The following RMND5A variants were observed in gnomAD, a reference collection of about 807,000 sequenced individuals.
RMND5A encodes required for meiotic nuclear division 5 homolog A, also known as E3 ubiquitin-protein transferase RMND5A.
In RMND5A, 17 loss-of-function variants were observed where a neutral mutation model predicts 49.7. The ratio of observed to expected loss-of-function variants is 0.34; its 90% CI spans 0.23 to 0.51. RMND5A has a LOEUF of 0.51. Among genes scored for constraint, RMND5A ranks in the 20% least tolerant of loss-of-function variants. The pLI, the probability that RMND5A is intolerant of heterozygous loss-of-function variation, is 0.96. For synonymous variants in RMND5A, 156 were observed against 167.7 expected (o/e 0.93, Z 0.54); for missense variants, 255 against 471.3 (o/e 0.54, Z 4.25).
chr2:86,751,681 C>A (rs1157100870), intron 2 of RMND5A, among the ~76,000 whole-genome samples: 2 of 152,122 alleles, frequency 1.3e-5, no homozygotes, highest in East Asian at 3.8e-4. Flanking sequence ...ATTAAATCTA[C>A]TTTAAAAAAA....
intron 6 of RMND5A, 113 bp from the exon 7 acceptor site, chr2:86,769,910 C>T: frequency 1.4e-6 from 1 of 715,134 alleles, no homozygotes; most frequent in South Asian, 1.7e-5. Flanking sequence ...AGCTCTCACC[C>T]TGTCCAGTGG....
intron 4 of RMND5A, among the ~76,000 whole-genome samples, chr2:86,756,854 T>C (rs1681748213): frequency 2.0e-5 from 3 of 151,898 alleles, no homozygotes; most frequent in African/African-American, 7.3e-5. Flanking sequence ...GCCTATGCGG[T>C]GAGAAGGCAG....
Position 86,774,488 on chromosome 2 carries a change from A to G in RMND5A, c.*1077A>G, listed in dbSNP as rs936327072. 6.5e-6 allele frequency: 1 copy of G among 152,680 alleles called. No individual in the cohort carries two copies. Among genetic ancestry groups the G allele is most frequent in the African/African-American group, 2.4e-5 (1 of 41,470 alleles). The allele number at this position is 152,680 out of a possible 1,614,324, so 9.5% of individuals were successfully genotyped here. On this transcript the variant is annotated 3_prime_UTR_variant, in exon 9 of 9. Coordinates refer to ENST00000283632, the MANE Select transcript of RMND5A (RefSeq NM_022780.4). ...ATGCCTCTCTTCTGCAAAGCGTATC[A>G]TCTCATTGACTGTGAATCTGTATAT... is the stretch of plus-strand genomic sequence containing the variant.
chr2:86,751,113 G>A (rs1681626821), intron 2 of RMND5A, among the ~76,000 whole-genome samples: 2 of 152,088 alleles, frequency 1.3e-5, no homozygotes, highest in Admixed American at 6.5e-5. Flanking sequence ...ATGTATTATA[G>A]TACTCTGGGT....
chr2:86,721,659 T>C (rs966450573), intron 1 of RMND5A, among the ~76,000 whole-genome samples: 2 of 151,908 alleles, frequency 1.3e-5, no homozygotes, highest in African/African-American at 4.9e-5. Context: ...TTTAAAGGTT[T>C]GGTTTTCTTA....
rs376719097 is a variant in RMND5A at position 86,753,496 on chromosome 2, A to G, written c.459A>G (p.Pro153=). The part of the protein sequence containing the change: ...GLSVDPSQKE[P]FVELNRILEA... ...CTGTAGACCCAAGTCAGAAGGAACC[A>G]TTTGTGGAGTTAAATAGAATATTAG... Residue 153 remains proline, a synonymous_variant, in exon 4 of 9, where the codon CCA becomes CCG. Transcript: ENST00000283632. The G allele has an allele frequency of 2.1e-5, 34 of 1,612,020 alleles. No homozygotes were observed. Among genetic ancestry groups the G allele is most frequent in the Non-Finnish European group, 2.8e-5 (33 of 1,178,524 alleles).
chr2:86,725,643 G>A lies in RMND5A; in HGVS notation c.142+4834G>A, dbSNP rs1227296078. 8.2e-4 allele frequency among the ~76,000 whole-genome samples: 64 copies of A among 78,160 alleles called. 25 individuals carry two copies. The highest frequency in any genetic ancestry group is 2.9e-3 in the African/African-American group (58 of 20,058). 51.3% of individuals were successfully genotyped at this position (78,160 alleles called of 152,430 possible). ...TGACCTCAAGCAGTCCACGCGCCTC[G>A]GCCTTCCAAACTGCAGGGATTACAG... is the stretch of plus-strand genomic sequence containing the variant. On this transcript the variant is annotated intron_variant, in intron 1 of 8. Coordinates refer to ENST00000283632, the MANE Select transcript of RMND5A (RefSeq NM_022780.4).
intron 6 of RMND5A, among the ~76,000 whole-genome samples, chr2:86,767,655 A>G (rs1672624199): frequency 6.6e-6 from 1 of 152,224 alleles, no homozygotes; most frequent in Non-Finnish European, 1.5e-5. Context: ...AAAAGCATGC[A>G]TGAGTAAAAG....
Position 86,720,499 on chromosome 2 carries a change from T to G in RMND5A, c.-169T>G, listed in dbSNP as rs868253908. 1,494 of 312,216 alleles carry G rather than the reference T, an allele frequency of 4.8e-3. 8 individuals carry two copies. Among genetic ancestry groups the G allele is most frequent in the Non-Finnish European group, 6.8e-3 (1,296 of 190,202 alleles). The allele number at this position is 312,216 out of a possible 1,614,324, so 19.3% of individuals were successfully genotyped here. Reference sequence around the variant, plus strand: ...CGCCATGGGGCAGGCGGGCTCCGGCTGCGCGGGGCTCCCCCGGCGCCGCGG... The same window carrying G: ...CGCCATGGGGCAGGCGGGCTCCGGCGGCGCGGGGCTCCCCCGGCGCCGCGG... On this transcript the variant is annotated 5_prime_UTR_variant, in exon 1 of 9. Transcript: ENST00000283632.
intron 4 of RMND5A, among the ~76,000 whole-genome samples, chr2:86,757,375 C>A (rs1177924840): frequency 1.3e-5 from 2 of 152,066 alleles, no homozygotes; most frequent in Admixed American, 1.3e-4. Context: ...ATCCAGATTT[C>A]TTTTATGCTC....
intron 8 of RMND5A, among the ~76,000 whole-genome samples, chr2:86,772,320 T>A (rs1573448306): frequency 1.3e-5 from 2 of 152,162 alleles, no homozygotes; most frequent in African/African-American, 4.8e-5. Flanking sequence ...CCGGGTGTGG[T>A]GGCGGACACC....
At chr2:86,763,110 C>T (rs1284317496) in intron 4 of RMND5A, among the ~76,000 whole-genome samples, 1 of 152,068 alleles carries the variant, frequency 6.6e-6, no homozygotes, top group Non-Finnish European at 1.5e-5. Context: ...TGAACATATT[C>T]CTATGAAAAT....
intron 2 of RMND5A, among the ~76,000 whole-genome samples, chr2:86,745,972 T>A (rs556454005): frequency 3.7e-4 from 56 of 152,312 alleles, no homozygotes; most frequent in East Asian, 2.1e-3. Context: ...TTAAAAAAAA[T>A]TTTAAACCTC....
At chr2:86,738,373 GTC>G (rs1162964426) in intron 1 of RMND5A, among the ~76,000 whole-genome samples, 1 of 5,638 alleles carries the variant, frequency 1.8e-4, no homozygotes, top group Non-Finnish European at 3.1e-4. Context: ...ATGAAGCCCT[GTC>G]TCTGCAAAAA....
intron 2 of RMND5A, among the ~76,000 whole-genome samples, chr2:86,746,128 A>G (rs1305054719): frequency 6.6e-6 from 1 of 152,214 alleles, no homozygotes; most frequent in Non-Finnish European, 1.5e-5. Context: ...GCAGTCCAGA[A>G]CTGCCTTTTA....
intron 1 of RMND5A, among the ~76,000 whole-genome samples, chr2:86,728,580 A>T (rs1354899766): frequency 1.1e-5 from 1 of 87,272 alleles, no homozygotes; most frequent in Non-Finnish European, 2.4e-5. Flanking sequence ...CTGGGATTAC[A>T]GGCATGAGCC....
chr2:86,758,337 T>G (rs1438367965), intron 4 of RMND5A, among the ~76,000 whole-genome samples: 2 of 152,338 alleles, frequency 1.3e-5, no homozygotes, highest in East Asian at 3.9e-4. Flanking sequence ...TTTTGAAGTA[T>G]TTGCCTATAT....
chr2:86,753,341 A>G (rs1255505564), intron 3 of RMND5A, 117 bp from the exon 4 acceptor site: 2 of 640,448 alleles, frequency 3.1e-6, no homozygotes, highest in African/African-American at 1.8e-5. Flanking sequence ...AGTCTCTACT[A>G]TAGGGAATTA....
At chr2:86,769,922 C>T (rs1365662226) in intron 6 of RMND5A, 101 bp from the exon 7 acceptor site, 1 of 770,100 alleles carries the variant, frequency 1.3e-6, no homozygotes, top group East Asian at 2.5e-5. Context: ...GTCCAGTGGC[C>T]AGGGTCTGCA....
Sources: gnomAD v4.1 joint callset for allele counts (sites outside exome capture counted in the v4.1 genomes callset) on GRCh38, gnomAD v4.1.1 for gene constraint, MANE v1.5 for transcripts, NCBI Gene and HGNC (gene_info 2026-07-23, HGNC 2026-07-21) for gene names.